Variants in GALNTL6 observed in about 807,000 individuals in gnomAD.
GALNTL6 encodes polypeptide N-acetylgalactosaminyltransferase-like 6.
Under a neutral mutation model 73.7 loss-of-function variants are expected in GALNTL6, and 46 were observed. The observed-to-expected ratio is 0.62, with a 90% CI of 0.49 to 0.80. The LOEUF (loss-of-function observed/expected upper bound fraction) is 0.80. Among genes scored for constraint, GALNTL6 ranks in the 30% least tolerant of loss-of-function variants. The pLI, the probability that GALNTL6 is intolerant of heterozygous loss-of-function variation, is 0.00. For synonymous variants in GALNTL6, 259 were observed against 263.7 expected (o/e 0.98, Z 0.17); for missense variants, 604 against 755.0 (o/e 0.80, Z 2.34).
chr4:172,975,353 A>G (rs1340938380), intron 10 of GALNTL6, among the ~76,000 whole-genome samples: 2 of 151,982 alleles, frequency 1.3e-5, no homozygotes, highest in Admixed American at 1.3e-4. Context: ...AGTTGAGGAG[A>G]CCAGAATTGG....
intron 5 of GALNTL6, among the ~76,000 whole-genome samples, chr4:172,361,264 G>A (rs1742358804): frequency 6.6e-6 from 1 of 151,394 alleles, no homozygotes; most frequent in Non-Finnish European, 1.5e-5. Context: ...CCTTACCAGT[G>A]TAGATCAAGA....
intron 5 of GALNTL6, among the ~76,000 whole-genome samples, chr4:172,616,493 T>C (rs1294664289): frequency 1.3e-5 from 2 of 150,830 alleles, no homozygotes; most frequent in African/African-American, 4.9e-5. Context: ...TATATTCAAC[T>C]CCACTCCCAA....
chr4:172,249,164 T>C (rs763190484), intron 3 of GALNTL6, among the ~76,000 whole-genome samples: 3 of 152,152 alleles, frequency 2.0e-5, no homozygotes, highest in Non-Finnish European at 4.4e-5. Flanking sequence ...TATAGTGATA[T>C]GAACAATGAA....
chr4:172,157,229 A>T (rs951168809), intron 2 of GALNTL6, among the ~76,000 whole-genome samples: 1 of 152,198 alleles, frequency 6.6e-6, no homozygotes, highest in Non-Finnish European at 1.5e-5. Flanking sequence ...ATCTGTAGGT[A>T]ATGTGCCTAC....
intron 2 of GALNTL6, among the ~76,000 whole-genome samples, chr4:171,987,695 G>C (rs1740146763): frequency 6.6e-6 from 1 of 152,188 alleles, no homozygotes; most frequent in African/African-American, 2.4e-5. Flanking sequence ...GGAAATGAGA[G>C]GTTCTAAGAG....
At chr4:172,233,244 A>G (rs1737134013) in intron 3 of GALNTL6, among the ~76,000 whole-genome samples, 1 of 151,474 alleles carries the variant, frequency 6.6e-6, no homozygotes. Context: ...GCATGGTGAC[A>G]TGTGCCTGTG....
intron 2 of GALNTL6, among the ~76,000 whole-genome samples, chr4:172,163,872 A>T (rs1467165749): frequency 6.6e-6 from 1 of 152,086 alleles, no homozygotes; most frequent in African/African-American, 2.4e-5. Context: ...GTGTCTATTT[A>T]AAAAACATAG....
rs539191510 is a variant in GALNTL6, at chr4:172,596,351, G to A, written c.554-213010G>A. On this transcript the variant is annotated intron_variant, in intron 5 of 12. Transcript: ENST00000506823. Reference sequence around the variant, plus strand: ...CTGTAGTCCCTGCTACTTGGGAGGTGGGAGAATTGCTTGAGCCCGGGAGGC... The same window carrying A: ...CTGTAGTCCCTGCTACTTGGGAGGTAGGAGAATTGCTTGAGCCCGGGAGGC... Among the ~76,000 whole-genome samples, 27 of 151,816 alleles carry A rather than the reference G, an allele frequency of 1.8e-4. No individual in the cohort carries two copies. The South Asian group carries it at 5.2e-3, about 29-fold the overall frequency.
chr4:172,965,077 A>G (rs1354421101), intron 10 of GALNTL6, among the ~76,000 whole-genome samples: 1 of 152,228 alleles, frequency 6.6e-6, no homozygotes, highest in African/African-American at 2.4e-5. Context: ...TTTATCATTC[A>G]GACTGTATTA....
intron 5 of GALNTL6, among the ~76,000 whole-genome samples, chr4:172,563,708 T>C (rs1031524823): frequency 4.6e-5 from 7 of 152,206 alleles, no homozygotes; most frequent in African/African-American, 1.7e-4. Flanking sequence ...CCTACATTCT[T>C]CATGCTTTCA....
At chr4:172,034,576 T>C (rs1273299909) in intron 2 of GALNTL6, among the ~76,000 whole-genome samples, 1 of 152,092 alleles carries the variant, frequency 6.6e-6, no homozygotes, top group Non-Finnish European at 1.5e-5. Flanking sequence ...GCACACTTAG[T>C]CATCTTACAT....
intron 2 of GALNTL6, among the ~76,000 whole-genome samples, chr4:171,950,725 G>A (rs1490617016): frequency 1.3e-5 from 2 of 151,984 alleles, no homozygotes; most frequent in Non-Finnish European, 2.9e-5. Flanking sequence ...TGATCCGCCC[G>A]CCTCGGCCTC....
chr4:172,228,534 G>T (rs1362862151), intron 2 of GALNTL6, among the ~76,000 whole-genome samples: 1 of 151,976 alleles, frequency 6.6e-6, no homozygotes, highest in Non-Finnish European at 1.5e-5. Context: ...AAAGCATAAT[G>T]GCTGTATTAT....
intron 8 of GALNTL6, among the ~76,000 whole-genome samples, chr4:172,886,802 T>C (rs1192916100): frequency 6.6e-6 from 1 of 152,168 alleles, no homozygotes; most frequent in Admixed American, 6.5e-5. Flanking sequence ...CATTGATCTT[T>C]TGTATTATTT....
intron 5 of GALNTL6, among the ~76,000 whole-genome samples, chr4:172,736,457 G>A (rs1579415011): frequency 1.3e-5 from 2 of 152,320 alleles, no homozygotes; most frequent in Admixed American, 1.3e-4. Context: ...CCTGAAAATG[G>A]CTGTTATCCT....
chr4:172,199,999 A>G (rs1033620310), intron 2 of GALNTL6, among the ~76,000 whole-genome samples: 2 of 152,178 alleles, frequency 1.3e-5, no homozygotes, highest in African/African-American at 4.8e-5. Context: ...AATTTTAGAA[A>G]TGAGGAATTA....
At chr4:172,542,351 C>T (rs1735588758) in intron 5 of GALNTL6, among the ~76,000 whole-genome samples, 1 of 152,062 alleles carries the variant, frequency 6.6e-6, no homozygotes, top group African/African-American at 2.4e-5. Context: ...TAGTTCCTGC[C>T]GGCATTCACC....
At chr4:172,124,515 T>C (rs1468992735) in intron 2 of GALNTL6, among the ~76,000 whole-genome samples, 1 of 152,134 alleles carries the variant, frequency 6.6e-6, no homozygotes, top group Non-Finnish European at 1.5e-5. Context: ...ATAATCAAAA[T>C]AAATAAAGTA....
intron 5 of GALNTL6, among the ~76,000 whole-genome samples, chr4:172,561,961 G>C (rs959544339): frequency 2.6e-5 from 4 of 152,184 alleles, no homozygotes; most frequent in Admixed American, 2.0e-4. Flanking sequence ...CTAGCATTGA[G>C]TTCAGGCAAA....
Sources: gnomAD v4.1 joint callset for allele counts (sites outside exome capture counted in the v4.1 genomes callset) on GRCh38, gnomAD v4.1.1 for gene constraint, MANE v1.5 for transcripts, NCBI Gene and HGNC (gene_info 2026-07-23, HGNC 2026-07-21) for gene names.